SEC14L1: variants seen among roughly 807,000 people sequenced by gnomAD.
SEC14L1 encodes the protein SEC14-like protein 1.
In SEC14L1, 48 loss-of-function variants were observed where a neutral mutation model predicts 85.3. The observed-to-expected ratio is 0.56, with a 90% CI of 0.45 to 0.72. The LOEUF (loss-of-function observed/expected upper bound fraction) is 0.72. Among genes scored for constraint, SEC14L1 ranks in the 30% least tolerant of loss-of-function variants. SEC14L1 has a pLI of 0.00. For missense variants in SEC14L1, 682 were observed against 921.4 expected (o/e 0.74, Z 3.36); for synonymous variants, 391 against 355.5 (o/e 1.10, Z -1.12).
chr17:77,110,208 A>C (rs1279297369), intron 3 of SEC14L1, among the ~76,000 whole-genome samples: 1 of 152,184 alleles, frequency 6.6e-6, no homozygotes, highest in African/African-American at 2.4e-5. Flanking sequence ...GAGTAATTAC[A>C]CTGGTTGACT....
chr17:77,157,630 C>T (rs566197250), intron 3 of SEC14L1, among the ~76,000 whole-genome samples: 32 of 151,850 alleles, frequency 2.1e-4, no homozygotes, highest in African/African-American at 5.8e-4. Flanking sequence ...CAGGTTCAAG[C>T]GATTCTTCTG....
upstream of SEC14L1, among the ~76,000 whole-genome samples, chr17:77,136,183 TTC>T (rs1972792704): frequency 7.0e-6 from 1 of 143,774 alleles, no homozygotes; most frequent in Non-Finnish European, 1.5e-5. Context: ...CCCCTTCTCT[TTC>T]TTTCTTTCTC....
At chr17:77,150,549 C>T (rs1276280391) in intron 3 of SEC14L1, among the ~76,000 whole-genome samples, 5 of 152,136 alleles carry the variant, frequency 3.3e-5, no homozygotes, top group Admixed American at 6.6e-5. Flanking sequence ...AACAGGGAGA[C>T]GTGAGGGATC....
At chr17:77,160,002 G>T (rs1973991906) in intron 3 of SEC14L1, among the ~76,000 whole-genome samples, 1 of 152,096 alleles carries the variant, frequency 6.6e-6, no homozygotes, top group East Asian at 1.9e-4. Flanking sequence ...TCTTTTCTTT[G>T]TTCTTCAGAG....
chr17:77,099,641 C>T (rs949152858), intron 3 of SEC14L1, among the ~76,000 whole-genome samples: 3 of 152,112 alleles, frequency 2.0e-5, no homozygotes, highest in Non-Finnish European at 4.4e-5. Context: ...CCTGTAATGC[C>T]AGCTACTTGG....
At chr17:77,168,371 G>C (rs1284155689) in intron 3 of SEC14L1, among the ~76,000 whole-genome samples, 1 of 152,152 alleles carries the variant, frequency 6.6e-6, no homozygotes, top group Non-Finnish European at 1.5e-5. Flanking sequence ...GAGCCTATTT[G>C]AGTATAGAGG....
chr17:77,098,483 T>C (rs1443470175), intron 3 of SEC14L1, among the ~76,000 whole-genome samples: 4 of 150,636 alleles, frequency 2.7e-5, no homozygotes, highest in African/African-American at 7.3e-5. Flanking sequence ...TGGGCGACAG[T>C]GAGACTGTCT....
intron 3 of SEC14L1, among the ~76,000 whole-genome samples, chr17:77,122,960 C>G (rs1312331181): frequency 1.3e-5 from 2 of 151,974 alleles, no homozygotes; most frequent in Non-Finnish European, 2.9e-5. Context: ...GAGAATCACA[C>G]AGCATCCAGA....
At chr17:77,195,484 AATTTTTTT>A (rs1386459364) in intron 7 of SEC14L1, among the ~76,000 whole-genome samples, 4 of 151,020 alleles carry the variant, frequency 2.6e-5, no homozygotes, top group Non-Finnish European at 5.9e-5. Flanking sequence ...ACGCCTGACT[AATTTTTTT>A]ATTTTTTTAT....
chr17:77,140,434 C>A (rs886353609), upstream of SEC14L1, among the ~76,000 whole-genome samples: 1 of 152,244 alleles, frequency 6.6e-6, no homozygotes, highest in Non-Finnish European at 1.5e-5. Context: ...GCGGTCGGGG[C>A]ACTGGCGCGA....
At chr17:77,153,170 C>T (rs754009041) in intron 3 of SEC14L1, among the ~76,000 whole-genome samples, 2 of 152,190 alleles carry the variant, frequency 1.3e-5, no homozygotes, top group Non-Finnish European at 2.9e-5. Context: ...CGGGTTCCAG[C>T]GATTCTCCTG....
chr17:77,162,888 A>G (rs532496300), intron 3 of SEC14L1, among the ~76,000 whole-genome samples: 24 of 152,172 alleles, frequency 1.6e-4, no homozygotes, highest in African/African-American at 4.8e-4. Context: ...CATGAAGGAC[A>G]TTTTGGAGTG....
chr17:77,193,899 C>G lies in SEC14L1; in HGVS notation c.474+350C>G, dbSNP rs983987251. On this transcript the variant is annotated intron_variant, in intron 6 of 16. Coordinates refer to ENST00000436233, the MANE Select transcript of SEC14L1 (RefSeq NM_001143998.2). ...GGGGAGGTGCTTGCCGAGCAGGCTG[C>G]CCCCCTTGGATTGTCAGTTCTTCCA... Among the ~76,000 whole-genome samples the G allele has an allele frequency of 2.6e-5, 4 of 152,256 alleles. No homozygotes were observed. In the East Asian group the frequency reaches 5.8e-4, roughly 22 times the overall value.
chr17:77,118,281 C>T (rs993526696), intron 3 of SEC14L1, among the ~76,000 whole-genome samples: 11 of 152,226 alleles, frequency 7.2e-5, no homozygotes, highest in Admixed American at 5.2e-4. Flanking sequence ...GCGTTGTCTC[C>T]GTCCTCCTTG....
upstream of SEC14L1, among the ~76,000 whole-genome samples, chr17:77,140,585 C>A (rs553323821): frequency 5.9e-5 from 9 of 152,334 alleles, no homozygotes; most frequent in East Asian, 3.9e-4. Context: ...TCCCTTTTCC[C>A]GCTCAGCCGA....
chr17:77,184,722 A>C (rs1975190088), intron 3 of SEC14L1, among the ~76,000 whole-genome samples: 1 of 152,222 alleles, frequency 6.6e-6, no homozygotes, highest in African/African-American at 2.4e-5. Context: ...GGAAATCAAG[A>C]TCTGGTTGCC....
intron 3 of SEC14L1, among the ~76,000 whole-genome samples, chr17:77,126,644 C>T (rs1178364655): frequency 6.6e-6 from 1 of 152,234 alleles, no homozygotes; most frequent in Non-Finnish European, 1.5e-5. Flanking sequence ...CCAGGTCAAG[C>T]TCTTCTCCAG....
Position 77,213,977 on chromosome 17 carries a change from C to G in SEC14L1, c.2102C>G (p.Thr701Ser), listed in dbSNP as rs758705868. ...HSGFSQLSAA[T>S]TSSSQSHSSS... The stretch of plus-strand genomic sequence containing the variant: ...GGCTTCTCCCAGCTGAGTGCCGCCA[C>G]CACCTCCTCCAGCCAGTCCCACTCC... The change falls in exon 17 of 17, where the codon ACC (threonine) becomes AGC (serine). Residue 701 changes from threonine (T) to serine (S), a missense_variant. Thr to Ser is a moderately conservative substitution (Grantham distance 58). Around this residue, in one of 3 missense-constraint regions of SEC14L1, gnomAD observed 420 missense variants for 619.5 expected, o/e 0.68. Transcript: ENST00000436233. The surrounding 1 kb of genome is among the most constrained non-coding windows in gnomAD (Gnocchi z 7.1). The G allele has an allele frequency of 6.2e-7, 1 of 1,613,408 alleles. No individual in the cohort carries two copies. The highest frequency in any genetic ancestry group is 1.1e-5 in the South Asian group (1 of 91,056).
chr17:77,100,916 G>C (rs1971764934), intron 3 of SEC14L1, among the ~76,000 whole-genome samples: 1 of 152,154 alleles, frequency 6.6e-6, no homozygotes, highest in Admixed American at 6.6e-5. Flanking sequence ...GCAGGGGTCA[G>C]GCTGTAGTAG....
Sources: allele counts gnomAD v4.1 joint callset (sites outside exome capture counted in the v4.1 genomes callset), GRCh38; gene constraint gnomAD v4.1.1; regional missense constraint gnomAD v4.1.1; non-coding constraint Gnocchi (gnomAD v3.1); transcripts MANE v1.5; gene names NCBI Gene and HGNC (gene_info 2026-07-23, HGNC 2026-07-21).